The following CHST15 variants were observed in gnomAD, a reference collection of about 807,000 sequenced individuals.
The protein encoded by CHST15 is B cell RAG associated protein (GALNAC4S-6ST).
CHST15 carries 30 observed loss-of-function variants against 53.6 expected under a neutral mutation model. That is an observed-to-expected ratio of 0.56 (90% CI 0.42 to 0.76). The LOEUF is 0.76. CHST15 is among the 30% of genes least tolerant of loss of function. The probability of loss-of-function intolerance (pLI) is 0.00; values close to 1 mark genes in which losing one functional copy is unlikely to be tolerated. For missense variants in CHST15, 627 were observed against 740.5 expected (o/e 0.85, Z 1.78); for synonymous variants, 296 against 289.8 (o/e 1.02, Z -0.22).
intron 1 of CHST15, among the ~76,000 whole-genome samples, chr10:124,080,752 A>T (rs1949207454): frequency 6.6e-6 from 1 of 152,214 alleles, no homozygotes; most frequent in Non-Finnish European, 1.5e-5. Flanking sequence ...TTCCCCAGCT[A>T]TAAACAGACG....
At chr10:124,010,595 A>AATG in intron 7 of CHST15, 1 of 985,420 alleles carries the variant, frequency 1.0e-6, no homozygotes, top group Non-Finnish European at 1.2e-6. Flanking sequence ...GCTGGCATTT[A>AATG]ATGATGATAC....
intron 5 of CHST15, among the ~76,000 whole-genome samples, 167 bp downstream of exon 5, chr10:124,038,348 C>G (rs563762658): frequency 2.6e-5 from 4 of 152,238 alleles, no homozygotes; most frequent in Admixed American, 6.5e-5. Context: ...TCAGGCGATC[C>G]ACCCACCCCG....
At chr10:124,055,097 T>C (rs749510769) in intron 1 of CHST15, among the ~76,000 whole-genome samples, 3 of 152,146 alleles carry the variant, frequency 2.0e-5, no homozygotes, top group Non-Finnish European at 4.4e-5. Context: ...ACACATCCCA[T>C]AGATCTCCCA....
At chr10:124,081,962 C>G (rs117503109) in intron 1 of CHST15, among the ~76,000 whole-genome samples, 1 of 152,130 alleles carries the variant, frequency 6.6e-6, no homozygotes, top group Admixed American at 6.5e-5. Flanking sequence ...AATTATTCCC[C>G]GGATAAGCAG....
rs1000707524 is a variant in CHST15, at chr10:124,046,147, G to A, written c.66C>T (p.Asn22=). The change falls in exon 2 of 8, where the codon AAC becomes AAT. Residue 22 remains asparagine (N), a synonymous_variant. Coordinates refer to ENST00000435907, the MANE Select transcript of CHST15 (RefSeq NM_001270764.2). ...GACCGTGATGGGGGCCCCCTTGGCA[G>A]TTGACCTGCTGCTTGTGTGCGCCGT... is the stretch of plus-strand genomic sequence containing the variant. The part of the protein sequence containing the change: ...LPDGAHKQQV[N]CQGGPHHGHQ... The A allele has an allele frequency of 8.1e-6, 13 of 1,614,148 alleles. No homozygotes were observed. Among genetic ancestry groups the A allele is most frequent in the Middle Eastern group, 1.7e-4 (1 of 6,060 alleles).
chr10:124,045,139 A>AAACAAAAAC (rs1947944864), intron 2 of CHST15, among the ~76,000 whole-genome samples: 1 of 145,862 alleles, frequency 6.9e-6, no homozygotes, highest in African/African-American at 2.7e-5. Context: ...AAAAAAAAAA[A>AAACAAAAAC]AAAAACTTGG....
chr10:124,012,539 C>G lies in CHST15; in HGVS notation c.1348-59G>C. On this transcript the variant is annotated intron_variant, in intron 6 of 7. Coordinates refer to ENST00000435907, the MANE Select transcript of CHST15 (RefSeq NM_001270764.2). ...GCAGTTGCCCCAACACCATAGGGCA[C>G]TTTTCCAAAGTGGTATGGCATTTCA... is the stretch of plus-strand genomic sequence containing the variant. 3.9e-6 allele frequency: 6 copies of G among 1,545,888 alleles called. No individual in the cohort carries two copies. In the South Asian group the frequency reaches 4.8e-5, roughly 12 times the overall value.
rs376643743 is a variant in CHST15 at position 124,076,779 on chromosome 10, G to A, written c.-513+16690C>T. 4.6e-5 allele frequency among the ~76,000 whole-genome samples: 7 copies of A among 150,874 alleles called. No individual in the cohort carries two copies. The South Asian group carries it at 6.3e-4, about 13-fold the overall frequency. Reference sequence around the variant, plus strand: ...GGCTGGAGTGCAGTGGTGCGATCTCGGCTCACTGCAAGCTCCGCCTTCCGG... The same window carrying A: ...GGCTGGAGTGCAGTGGTGCGATCTCAGCTCACTGCAAGCTCCGCCTTCCGG... On this transcript the variant is annotated intron_variant, in intron 1 of 7. Transcript: ENST00000435907.
chr10:124,038,110 T>TA (rs1429069607), intron 5 of CHST15, among the ~76,000 whole-genome samples: 3 of 131,400 alleles, frequency 2.3e-5, no homozygotes, highest in African/African-American at 8.3e-5. Flanking sequence ...TTTATTTTAT[T>TA]TTATTTTTTT....
chr10:124,084,098 G>A (rs1465999976), intron 1 of CHST15, among the ~76,000 whole-genome samples: 12 of 152,258 alleles, frequency 7.9e-5, no homozygotes, highest in African/African-American at 1.4e-4. Context: ...AAGGAAAGAC[G>A]GAAGGGTCTC....
chr10:124,045,600 G>C, intron 2 of CHST15, 67 bp downstream of exon 2: 2 of 1,418,022 alleles, frequency 1.4e-6, no homozygotes, highest in Non-Finnish European at 1.9e-6. Flanking sequence ...CAAAGATGGT[G>C]ATAGAAAGAA....
At chr10:124,071,282 T>C (rs1337218321) in intron 1 of CHST15, among the ~76,000 whole-genome samples, 2 of 152,188 alleles carry the variant, frequency 1.3e-5, no homozygotes, top group Non-Finnish European at 2.9e-5. Flanking sequence ...CCCAAGGAGA[T>C]GGACAGGCCA....
chr10:124,020,792 A>G, intron 6 of CHST15: 2 of 1,120,342 alleles, frequency 1.8e-6, no homozygotes, highest in Non-Finnish European at 2.2e-6. Context: ...GAAGAACAAG[A>G]GATACGATTG....
chr10:124,029,732 C>A (rs796628320), intron 5 of CHST15, among the ~76,000 whole-genome samples: 10 of 152,348 alleles, frequency 6.6e-5, no homozygotes, highest in African/African-American at 2.4e-4. Context: ...AGGGTGTGGG[C>A]CCCTCACTGC....
At chr10:124,093,251 G>A (rs1384386935) in intron 1 of CHST15, among the ~76,000 whole-genome samples, 2 of 151,668 alleles carry the variant, frequency 1.3e-5, no homozygotes, top group Non-Finnish European at 1.5e-5. Flanking sequence ...CTGGGCCGCC[G>A]CCGCCACCGC....
intron 1 of CHST15, among the ~76,000 whole-genome samples, chr10:124,060,545 A>C (rs561317872): frequency 6.7e-6 from 1 of 148,314 alleles, no homozygotes; most frequent in East Asian, 2.1e-4. Context: ...CCAGACCCCC[A>C]GGGGTATGTG....
chr10:124,063,084 A>T (rs1472704347), intron 1 of CHST15, among the ~76,000 whole-genome samples: 3 of 152,054 alleles, frequency 2.0e-5, no homozygotes, highest in East Asian at 1.9e-4. Context: ...GAAACTAATT[A>T]AAAAATGGTC....
intron 1 of CHST15, among the ~76,000 whole-genome samples, chr10:124,047,989 G>A (rs180795102): frequency 1.6e-3 from 251 of 152,254 alleles, no homozygotes; most frequent in Admixed American, 4.1e-3. Context: ...TTAACTAACC[G>A]CGCATCAAGA....
intron 1 of CHST15, among the ~76,000 whole-genome samples, chr10:124,064,540 A>G (rs770074710): frequency 4.6e-5 from 7 of 152,134 alleles, no homozygotes; most frequent in African/African-American, 1.7e-4. Flanking sequence ...GAGATCATGA[A>G]ACAACCATAC....
Sources: gnomAD v4.1 joint callset for allele counts (sites outside exome capture counted in the v4.1 genomes callset) on GRCh38, gnomAD v4.1.1 for gene constraint, MANE v1.5 for transcripts, NCBI Gene and HGNC (gene_info 2026-07-23, HGNC 2026-07-21) for gene names.